CYP2C19: variants seen among roughly 807,000 people sequenced by gnomAD.
CYP2C19 encodes cytochrome P450 family 2 subfamily C member 19.
A neutral mutation model predicts 40.9 loss-of-function variants in CYP2C19; 59 were observed. That is an observed-to-expected ratio of 1.44 (90% CI 1.17 to 1.79). CYP2C19 has a LOEUF of 1.79. Among genes scored for constraint, CYP2C19 ranks in the 40% most tolerant of loss-of-function variants. CYP2C19 has a pLI of 0.00. For synonymous variants in CYP2C19, 253 were observed against 208.7 expected, an observed-to-expected ratio of 1.21 and a Z score of -1.83; for missense variants, 754 against 596.9, an observed-to-expected ratio of 1.26 and a Z score of -2.74.
In CYP2C19 at chr10:94,855,207, C is replaced by T. The variant is rs1318219900; in HGVS notation, c.*2293C>T. Among the ~76,000 whole-genome samples the T allele has an allele frequency of 6.6e-6, 1 of 152,144 alleles. No homozygotes were observed. Among genetic ancestry groups the T allele is most frequent in the Non-Finnish European group, 1.5e-5 (1 of 68,026 alleles). On this transcript the variant is annotated 3_prime_UTR_variant, in exon 9 of 9. Coordinates refer to ENST00000371321, the MANE Select transcript of CYP2C19 (RefSeq NM_000769.4). ...AAGACCCTTGTGATTACATGAAACCCACCAGTGTAATCTCTTCATGTCCAG... is the reference window on the plus strand; with the variant it reads ...AAGACCCTTGTGATTACATGAAACCTACCAGTGTAATCTCTTCATGTCCAG...
At chr10:94,849,219 T>A (rs183602646) in intron 7 of CYP2C19, among the ~76,000 whole-genome samples, 1 of 152,082 alleles carries the variant, frequency 6.6e-6, no homozygotes, top group East Asian at 1.9e-4. Flanking sequence ...GCAGCAGGAG[T>A]GGACAGGCAC....
chr10:94,792,732 C>G (rs1040029600), intron 5 of CYP2C19, among the ~76,000 whole-genome samples: 2 of 152,186 alleles, frequency 1.3e-5, no homozygotes, highest in Non-Finnish European at 1.5e-5. Flanking sequence ...CGCTGTTAGT[C>G]TGATGGGCTT....
chr10:94,781,921 T>C lies in CYP2C19; in HGVS notation c.743T>C (p.Val248Ala), dbSNP rs1848484493. ...AFMESDILEK[V>A]KEHQESMDIN... ...ATGGAAAGTGATATTTTGGAGAAAGTAAAAGAACACCAAGAATCGATGGAC... is the reference window on the plus strand; with the variant it reads ...ATGGAAAGTGATATTTTGGAGAAAGCAAAAGAACACCAAGAATCGATGGAC... Residue 248 changes from valine to alanine, a missense_variant, in exon 5 of 9, where the codon GTA becomes GCA. Physicochemically the swap from Val to Ala is moderately conservative, Grantham distance 64. Transcript: ENST00000371321. 1 of 1,504,270 alleles carries C rather than the reference T, an allele frequency of 6.6e-7. No individual in the cohort carries two copies. Among genetic ancestry groups the C allele is most frequent in the Non-Finnish European group, 8.8e-7 (1 of 1,138,168 alleles). 93.2% of individuals were successfully genotyped at this position (1,504,270 alleles called of 1,614,324 possible).
intron 5 of CYP2C19, among the ~76,000 whole-genome samples, chr10:94,793,087 G>T (rs532201542): frequency 6.6e-6 from 1 of 151,860 alleles, no homozygotes; most frequent in Non-Finnish European, 1.5e-5. Context: ...TTCCCTTCTA[G>T]CTTCATTTCA....
At chr10:94,763,065 A>G (rs1160693798) in intron 1 of CYP2C19, among the ~76,000 whole-genome samples, 192 bp downstream of exon 1, 1 of 152,212 alleles carries the variant, frequency 6.6e-6, no homozygotes, top group African/African-American at 2.4e-5. Flanking sequence ...TTGTTATTAG[A>G]GAAAGATTTA....
intron 7 of CYP2C19, among the ~76,000 whole-genome samples, chr10:94,847,641 A>G (rs1418360737): frequency 6.6e-6 from 1 of 152,210 alleles, no homozygotes; most frequent in Non-Finnish European, 1.5e-5. Context: ...TAGACCCCTG[A>G]GGAATCACCA....
chr10:94,767,539 C>A (rs1350877391), intron 1 of CYP2C19, among the ~76,000 whole-genome samples: 2 of 152,144 alleles, frequency 1.3e-5, no homozygotes, highest in African/African-American at 4.8e-5. Context: ...ATCTAACTGC[C>A]ACTCCTCTCC....
intron 5 of CYP2C19, among the ~76,000 whole-genome samples, chr10:94,790,816 T>C (rs893029728): frequency 1.2e-4 from 18 of 152,138 alleles, no homozygotes; most frequent in Non-Finnish European, 1.2e-4. Context: ...TCAGGGATAT[T>C]GGTCTAAAAT....
At chr10:94,836,862 C>T (rs1438274638) in intron 6 of CYP2C19, among the ~76,000 whole-genome samples, 2 of 152,158 alleles carry the variant, frequency 1.3e-5, no homozygotes, top group Non-Finnish European at 1.5e-5. Flanking sequence ...AAATCATCCA[C>T]GTACTGAAGG....
At chr10:94,810,620 T>A (rs909152425) in intron 5 of CYP2C19, among the ~76,000 whole-genome samples, 2 of 152,036 alleles carry the variant, frequency 1.3e-5, no homozygotes, top group Non-Finnish European at 2.9e-5. Flanking sequence ...CTTGGGAGGG[T>A]GTATGTGTCT....
Position 94,763,944 on chromosome 10 carries a change from T to C in CYP2C19, c.168+1071T>C, listed in dbSNP as rs112882280. Among the ~76,000 whole-genome samples the C allele has an allele frequency of 5.6e-3, 851 of 152,222 alleles. 13 individuals carry two copies. The highest frequency in any genetic ancestry group is 0.019 in the African/African-American group (780 of 41,550). On this transcript the variant is annotated intron_variant, in intron 1 of 8. Coordinates refer to ENST00000371321, the MANE Select transcript of CYP2C19 (RefSeq NM_000769.4). ...TCTTCCTTCTGCTGGGTTCATGGTC[T>C]TGCTGACTTCAGGAGTGAAGCCGCA...
At chr10:94,774,857 A>C in intron 1 of CYP2C19, 1 of 602,618 alleles carries the variant, frequency 1.7e-6, no homozygotes, top group East Asian at 2.8e-5. Context: ...CAATTGTCTG[A>C]CCATTGCCTT....
chr10:94,849,886 A>G (rs2134292554), intron 7 of CYP2C19, 31 bp from the exon 8 acceptor site: 1 of 1,613,144 alleles, frequency 6.2e-7, no homozygotes, highest in Non-Finnish European at 8.5e-7. Flanking sequence ...ACTTCTTTAC[A>G]GCTCAGTTCA....
Position 94,853,240 on chromosome 10 carries a change from A to G in CYP2C19, c.*326A>G. On this transcript the variant is annotated 3_prime_UTR_variant, in exon 9 of 9. Coordinates refer to ENST00000371321, the MANE Select transcript of CYP2C19 (RefSeq NM_000769.4). ...ATTTCTTCTCTGCATGTTCTAAACA[A>G]AAAGCATTATTATTTGCTGAGTCAG... The G allele has an allele frequency of 5.3e-6, 2 of 375,000 alleles. No individual in the cohort carries two copies. The highest frequency in any genetic ancestry group is 2.4e-5 in the South Asian group (1 of 40,940). 23.2% of individuals were successfully genotyped at this position (375,000 alleles called of 1,614,324 possible). A position where few individuals can be genotyped will look rare whatever the true frequency, so the allele number is the denominator to read the frequency against.
rs1447346668 is a variant in CYP2C19 at position 94,787,325 on chromosome 10, C to A, written c.819+5328C>A. Reference sequence around the variant, plus strand: ...TGGAAGGACATATGTTCTTTGCCCACTTTTTAATGAAGTTATTTGTTTTTT... The same window carrying A: ...TGGAAGGACATATGTTCTTTGCCCAATTTTTAATGAAGTTATTTGTTTTTT... On this transcript the variant is annotated intron_variant, in intron 5 of 8. Coordinates refer to ENST00000371321, the MANE Select transcript of CYP2C19 (RefSeq NM_000769.4). 9.9e-5 allele frequency among the ~76,000 whole-genome samples: 15 copies of A among 151,990 alleles called. No individual in the cohort carries two copies. In the East Asian group the frequency reaches 2.9e-3, roughly 29 times the overall value.
intron 8 of CYP2C19, among the ~76,000 whole-genome samples, chr10:94,850,281 C>A (rs1267452821): frequency 6.6e-6 from 1 of 152,070 alleles, no homozygotes; most frequent in African/African-American, 2.4e-5. Flanking sequence ...ATTGAGAAAG[C>A]TGAAGTATAG....
intron 6 of CYP2C19, among the ~76,000 whole-genome samples, chr10:94,840,447 C>A (rs1420964908): frequency 1.3e-5 from 2 of 152,092 alleles, no homozygotes; most frequent in East Asian, 1.9e-4. Flanking sequence ...GCCTAGGTGC[C>A]TAAGGATGCA....
At chr10:94,851,572 T>C (rs754525381) in intron 8 of CYP2C19, among the ~76,000 whole-genome samples, 17 of 152,196 alleles carry the variant, frequency 1.1e-4, no homozygotes, top group Non-Finnish European at 2.4e-4. Flanking sequence ...ACTAGGCAAC[T>C]GATAAATAAC....
rs1849694229 is a variant in CYP2C19, at chr10:94,853,914, T to C, written c.*1000T>C. ...ATCAGGTTACTTTTATTACTTCATG[T>C]TTCCAACTTAGAATGAAGTAATGAA... On this transcript the variant is annotated 3_prime_UTR_variant, in exon 9 of 9. Transcript: ENST00000371321. 6.6e-6 allele frequency among the ~76,000 whole-genome samples: 1 copy of C among 152,178 alleles called. No homozygotes were observed. The highest frequency in any genetic ancestry group is 2.4e-5 in the African/African-American group (1 of 41,454).
Sources: gnomAD v4.1 joint callset for allele counts (sites outside exome capture counted in the v4.1 genomes callset) on GRCh38, gnomAD v4.1.1 for gene constraint, MANE v1.5 for transcripts, NCBI Gene and HGNC (gene_info 2026-07-23, HGNC 2026-07-21) for gene names.